CLTRN: variants seen among roughly 807,000 people sequenced by gnomAD.
The protein encoded by CLTRN is collectrin, amino acid transport regulator, also known as collectrin.
A neutral mutation model predicts 14.5 loss-of-function variants in CLTRN; 12 were observed. That is an observed-to-expected ratio of 0.83 (90% CI 0.53 to 1.34). CLTRN has a LOEUF of 1.34. CLTRN is among the 40% of genes most tolerant of loss of function. The pLI is 0.00. For missense variants in CLTRN, 154 were observed against 165.1 expected (o/e 0.93, Z 0.37); for synonymous variants, 58 against 56.5 (o/e 1.03, Z -0.12).
chrX:15,655,457 G>C (rs1182767596), intron 3 of CLTRN, among the ~76,000 whole-genome samples: 1 of 111,889 alleles, frequency 8.9e-6, no homozygotes, highest in Admixed American at 9.4e-5. Context: ...CCTCGGCTCT[G>C]CCTCCGGGGT....
intron 1 of CLTRN, among the ~76,000 whole-genome samples, chrX:15,673,885 ACTAACT>A (rs1929765278): frequency 2.7e-5 from 3 of 112,462 alleles, no homozygotes; most frequent in Non-Finnish European, 5.6e-5. Context: ...AGGGAGCTGT[ACTAACT>A]GCTATGTAAG....
At chrX:15,674,250 AG>A (rs1288382415) in intron 1 of CLTRN, among the ~76,000 whole-genome samples, 3 of 112,066 alleles carry the variant, frequency 2.7e-5, no homozygotes, top group Non-Finnish European at 5.6e-5. Flanking sequence ...TTGCGAATGG[AG>A]GGAGTAAAAA....
intron 5 of CLTRN, among the ~76,000 whole-genome samples, chrX:15,631,292 A>G (rs943199370): frequency 3.6e-5 from 4 of 112,309 alleles, no homozygotes; most frequent in Non-Finnish European, 7.5e-5. Context: ...GTGGACAGCC[A>G]AATTTTACCC....
At chrX:15,647,961 C>T (rs918462860) in intron 3 of CLTRN, among the ~76,000 whole-genome samples, 13 of 75,546 alleles carry the variant, frequency 1.7e-4, no homozygotes, top group Non-Finnish European at 2.5e-5. Context: ...CTATTTTAAA[C>T]GTTTCAAATT....
upstream of CLTRN, among the ~76,000 whole-genome samples, chrX:15,665,298 G>C (rs1274720272): frequency 8.9e-6 from 1 of 112,049 alleles, no homozygotes; most frequent in Non-Finnish European, 1.9e-5. Flanking sequence ...CATCCCAGGA[G>C]AGCTTCGGAG....
chrX:15,665,671 G>A (rs1929607077), upstream of CLTRN, among the ~76,000 whole-genome samples: 1 of 112,323 alleles, frequency 8.9e-6, no homozygotes, highest in South Asian at 3.7e-4. Flanking sequence ...CTGAGAAATG[G>A]AATTTTTGTT....
At chrX:15,650,142 T>G (rs1929181532) in intron 3 of CLTRN, among the ~76,000 whole-genome samples, 1 of 101,675 alleles carries the variant, frequency 9.8e-6, no homozygotes, top group Non-Finnish European at 2.0e-5. Flanking sequence ...CTCCAGAAAT[T>G]GCCAGATATC....
At chrX:15,640,334 T>C (rs1432329763) in intron 4 of CLTRN, among the ~76,000 whole-genome samples, 1 of 112,928 alleles carries the variant, frequency 8.9e-6, no homozygotes, top group East Asian at 2.8e-4. Flanking sequence ...GGTATAAATA[T>C]GACTGCAAAA....
At chrX:15,660,065 C>T (rs1169866899) in intron 2 of CLTRN, among the ~76,000 whole-genome samples, 1 of 111,076 alleles carries the variant, frequency 9.0e-6, no homozygotes. Context: ...AAAAGCTGAG[C>T]GGAAGAAGTT....
At chrX:15,659,527 G>A (rs1028809591) in intron 2 of CLTRN, among the ~76,000 whole-genome samples, 6 of 111,506 alleles carry the variant, frequency 5.4e-5, no homozygotes, top group East Asian at 2.8e-4. Context: ...GTGTGTGTGC[G>A]TGCATATTAT....
At position 15,630,978 on chromosome X, in the gene CLTRN, T is replaced by C. The variant is rs187352110; in HGVS notation, c.513-2851A>G. Among the ~76,000 whole-genome samples the C allele has an allele frequency of 2.1e-4, 24 of 112,289 alleles. No individual in the cohort carries two copies. In the East Asian group the frequency reaches 6.2e-3, roughly 29 times the overall value. On this transcript the variant is annotated intron_variant, in intron 5 of 5. Transcript: ENST00000380342. ...ATAACCATCAATCACATCACTTCCATTCATAGTATCCAACATTCACTAACA... is the reference window on the plus strand; with the variant it reads ...ATAACCATCAATCACATCACTTCCACTCATAGTATCCAACATTCACTAACA...
chrX:15,636,145 C>T lies in CLTRN; in HGVS notation c.512+3417G>A, dbSNP rs1037278076. On this transcript the variant is annotated intron_variant, in intron 5 of 5. Transcript: ENST00000380342. ...CATTATGGAAAACAGTATGGAAGTT[C>T]CTCAAAAAATAAAAAATAAACTTCC... 4.5e-5 allele frequency among the ~76,000 whole-genome samples: 5 copies of T among 111,940 alleles called. No individual in the cohort carries two copies. In the South Asian group the frequency reaches 1.9e-3, roughly 41 times the overall value.
At chrX:15,634,967 A>G (rs1333630150) in intron 5 of CLTRN, among the ~76,000 whole-genome samples, 1 of 109,724 alleles carries the variant, frequency 9.1e-6, no homozygotes, top group African/African-American at 3.3e-5. Flanking sequence ...ATAAATAAAT[A>G]AAAGAAAAAA....
At position 15,641,048 on chromosome X, in the gene CLTRN, G is replaced by C. The variant is rs188552953; in HGVS notation, c.318-1292C>G. The stretch of plus-strand genomic sequence containing the variant: ...TAGACCAAAGTATGTGGTGAGCACA[G>C]GAATGGAAACAAGGTAAAGTAAGAC... On this transcript the variant is annotated intron_variant, in intron 4 of 5. Coordinates refer to ENST00000380342, the MANE Select transcript of CLTRN (RefSeq NM_020665.6). Among the ~76,000 whole-genome samples, 11 of 112,264 alleles carry C rather than the reference G, an allele frequency of 9.8e-5. No individual in the cohort carries two copies. The East Asian group carries it at 3.1e-3, about 31-fold the overall frequency.
At chrX:15,669,123 GT>G (rs1425310805), upstream of CLTRN, among the ~76,000 whole-genome samples, 4 of 111,424 alleles carry the variant, frequency 3.6e-5, no homozygotes, top group Non-Finnish European at 7.5e-5. Flanking sequence ...TTGTTAAATA[GT>G]TTGATGGAGA....
chrX:15,655,429 C>T (rs1000954335), intron 3 of CLTRN, among the ~76,000 whole-genome samples: 2 of 111,660 alleles, frequency 1.8e-5, no homozygotes, highest in African/African-American at 6.5e-5. Context: ...GACACGCTGA[C>T]TGATTTCCTC....
At chrX:15,628,411 T>A (rs1928613750) in intron 5 of CLTRN, among the ~76,000 whole-genome samples, 2 of 107,598 alleles carry the variant, frequency 1.9e-5, no homozygotes, top group South Asian at 7.4e-4. Context: ...GATGAATATG[T>A]ATATGAATAT....
chrX:15,653,615 C>T (rs1929279251), intron 3 of CLTRN, among the ~76,000 whole-genome samples: 1 of 112,029 alleles, frequency 8.9e-6, no homozygotes, highest in African/African-American at 3.3e-5. Context: ...CTTCCCTTCT[C>T]TGCCTCCTCC....
intron 1 of CLTRN, among the ~76,000 whole-genome samples, chrX:15,672,971 C>T (rs1297022428): frequency 8.9e-6 from 1 of 111,932 alleles, no homozygotes; most frequent in Non-Finnish European, 1.9e-5. Context: ...GGGCTGTGTA[C>T]TCAGTCGAAC....
Sources: allele counts gnomAD v4.1 joint callset (sites outside exome capture counted in the v4.1 genomes callset), GRCh38; gene constraint gnomAD v4.1.1; transcripts MANE v1.5; gene names NCBI Gene and HGNC (gene_info 2026-07-23, HGNC 2026-07-21).